GCSAML: variants seen among roughly 807,000 people sequenced by gnomAD.
GCSAML encodes the protein germinal center-associated signaling and motility-like protein.
GCSAML carries 9 observed loss-of-function variants against 13.0 expected under a neutral mutation model. The ratio of observed to expected loss-of-function variants is 0.69; its 90% CI spans 0.42 to 1.21. The LOEUF (loss-of-function observed/expected upper bound fraction) is 1.21. Among genes scored for constraint, GCSAML ranks in the 50% most tolerant of loss-of-function variants. The pLI is 0.00. For synonymous variants in GCSAML, 37 were observed against 52.9 expected (o/e 0.70, Z 1.31); for missense variants, 143 against 153.4 (o/e 0.93, Z 0.36).
chr1:247,550,364 A>G (rs114531887), intron 1 of GCSAML, among the ~76,000 whole-genome samples: 4,967 of 152,254 alleles, frequency 0.033, 127 homozygotes, highest in East Asian at 0.088. Context: ...GTGGCTGGGC[A>G]CGGTGGCTCA....
chr1:247,555,767 C>T (rs915823769), intron 1 of GCSAML, among the ~76,000 whole-genome samples: 2 of 152,214 alleles, frequency 1.3e-5, no homozygotes, highest in African/African-American at 2.4e-5. Flanking sequence ...AACCAAGTCA[C>T]AAACATAAGC....
Position 247,532,140 on chromosome 1 carries a change from G to A in GCSAML, c.-148+5086G>A, listed in dbSNP as rs148160393. 609 of 1,614,080 alleles carry A rather than the reference G, an allele frequency of 3.8e-4. 1 individual carries two copies. Among genetic ancestry groups the A allele is most frequent in the South Asian group, 6.7e-4 (61 of 91,066 alleles). ...AATGGAGTGGCCTGCAGATGGCAGC[G>A]TAGCGGTCATAGGACATGGTGGCCA... On this transcript the variant is annotated intron_variant, in intron 2 of 5. Transcript: ENST00000366489.
intron 1 of GCSAML, among the ~76,000 whole-genome samples, chr1:247,554,102 T>C (rs746585892): frequency 2.3e-4 from 35 of 152,216 alleles, no homozygotes; most frequent in Non-Finnish European, 4.6e-4. Context: ...TGGCATCATT[T>C]TACATTTCTC....
chr1:247,565,320 T>G (rs1401933278), intron 3 of GCSAML, among the ~76,000 whole-genome samples: 1 of 151,584 alleles, frequency 6.6e-6, no homozygotes. Context: ...ATAGCACCAT[T>G]GCACTCCAGT....
At chr1:247,542,500 T>C (rs1490176010) in intron 2 of GCSAML, among the ~76,000 whole-genome samples, 1 of 152,240 alleles carries the variant, frequency 6.6e-6, no homozygotes, top group African/African-American at 2.4e-5. Flanking sequence ...CATTTTTAAA[T>C]GTACTTTGAG....
chr1:247,537,960 A>G (rs750759996), intron 2 of GCSAML, among the ~76,000 whole-genome samples: 6 of 152,172 alleles, frequency 3.9e-5, no homozygotes, highest in South Asian at 2.1e-4. Flanking sequence ...TCTTTTGACA[A>G]TGTCTTTTTG....
At chr1:247,534,422 G>C (rs6426255) in intron 2 of GCSAML, among the ~76,000 whole-genome samples, 2 of 151,922 alleles carry the variant, frequency 1.3e-5, no homozygotes, top group African/African-American at 2.4e-5. Flanking sequence ...ATAAACTTTC[G>C]GTAGTGTTGT....
chr1:247,569,372 T>C (rs1268191485), intron 4 of GCSAML, among the ~76,000 whole-genome samples: 1 of 152,204 alleles, frequency 6.6e-6, no homozygotes, highest in East Asian at 1.9e-4. Context: ...TATTTTGAGA[T>C]AGGTTTGATC....
intron 2 of GCSAML, chr1:247,528,783 G>A (rs558507365): frequency 6.6e-6 from 1 of 152,328 alleles, no homozygotes; most frequent in South Asian, 2.1e-4. Flanking sequence ...GAAGAATAAG[G>A]CTGGAAAATT....
chr1:247,571,122 A>T (rs1377119909), intron 4 of GCSAML, among the ~76,000 whole-genome samples: 2 of 152,210 alleles, frequency 1.3e-5, no homozygotes. Context: ...TCTCCTGAAT[A>T]CAGCACACTG....
At chr1:247,511,585 T>A (rs1253318664) in intron 1 of GCSAML, among the ~76,000 whole-genome samples, 1 of 152,248 alleles carries the variant, frequency 6.6e-6, no homozygotes, top group Non-Finnish European at 1.5e-5. Context: ...TTTTGCCAGC[T>A]ACTAGCTGAG....
intron 1 of GCSAML, among the ~76,000 whole-genome samples, chr1:247,551,914 T>A (rs1420278328): frequency 6.6e-6 from 1 of 152,246 alleles, no homozygotes; most frequent in Non-Finnish European, 1.5e-5. Flanking sequence ...CATTCCTTAC[T>A]TATGAGTATG....
At chr1:247,568,000 C>T (rs559509541) in intron 4 of GCSAML, among the ~76,000 whole-genome samples, 1 of 152,094 alleles carries the variant, frequency 6.6e-6, no homozygotes, top group Non-Finnish European at 1.5e-5. Context: ...CTGTTCATAT[C>T]CTTCACCCAC....
At chr1:247,571,685 TG>T (rs999591312) in intron 4 of GCSAML, among the ~76,000 whole-genome samples, 2 of 152,216 alleles carry the variant, frequency 1.3e-5, no homozygotes, top group African/African-American at 4.8e-5. Context: ...GTCTTGGGGT[TG>T]CTCTTCTCAG....
chr1:247,553,818 TA>T (rs1667859618), intron 1 of GCSAML, among the ~76,000 whole-genome samples: 2 of 152,346 alleles, frequency 1.3e-5, no homozygotes, highest in African/African-American at 2.4e-5. Flanking sequence ...AATGCAGTTT[TA>T]AACTATTGAG....
intron 1 of GCSAML, among the ~76,000 whole-genome samples, chr1:247,515,598 C>T (rs1404163858): frequency 6.6e-6 from 1 of 152,174 alleles, no homozygotes; most frequent in Non-Finnish European, 1.5e-5. Flanking sequence ...GTTCTGCAGG[C>T]TGTACGGGAA....
intron 2 of GCSAML, among the ~76,000 whole-genome samples, chr1:247,560,941 A>AT (rs943651428): frequency 1.3e-5 from 2 of 151,432 alleles, no homozygotes; most frequent in African/African-American, 2.4e-5. Flanking sequence ...ATTTGTTTAG[A>AT]TTTTTTTTAT....
At chr1:247,567,510 T>A (rs145464592) in intron 4 of GCSAML, among the ~76,000 whole-genome samples, 1 of 152,210 alleles carries the variant, frequency 6.6e-6, no homozygotes, top group African/African-American at 2.4e-5. Flanking sequence ...CATAAACTTA[T>A]TCTTTTTTAT....
chr1:247,555,354 A>G (rs1667913411), intron 1 of GCSAML, among the ~76,000 whole-genome samples: 2 of 152,230 alleles, frequency 1.3e-5, no homozygotes, highest in Admixed American at 6.5e-5. Flanking sequence ...CTGATTTACA[A>G]TCTACACTAT....
Sources: allele counts gnomAD v4.1 joint callset (sites outside exome capture counted in the v4.1 genomes callset), GRCh38; gene constraint gnomAD v4.1.1; transcripts MANE v1.5; gene names NCBI Gene and HGNC (gene_info 2026-07-23, HGNC 2026-07-21).